SUPT3H: variants seen among roughly 807,000 people sequenced by gnomAD.
SUPT3H encodes the protein transcription initiation protein SPT3 homolog.
In SUPT3H, 44 loss-of-function variants were observed where a neutral mutation model predicts 44.3. The observed-to-expected ratio is 0.99, with a 90% CI of 0.78 to 1.28. The LOEUF (loss-of-function observed/expected upper bound fraction) is 1.28. Ranked by LOEUF, SUPT3H falls within the 50% of genes most tolerant of loss-of-function variation. SUPT3H has a pLI of 0.00. For synonymous variants in SUPT3H, 124 were observed against 125.6 expected, an observed-to-expected ratio of 0.99 and a Z score of 0.09; for missense variants, 380 against 387.1, an observed-to-expected ratio of 0.98 and a Z score of 0.15.
At chr6:45,312,864 G>A (rs192329489) in intron 2 of SUPT3H, among the ~76,000 whole-genome samples, 163 of 152,098 alleles carry the variant, frequency 1.1e-3, no homozygotes, top group Non-Finnish European at 1.8e-3. Flanking sequence ...AGGAACTTTC[G>A]CCAAGATAGA....
At position 45,109,349 on chromosome 6, in the gene SUPT3H, T is replaced by TA. The variant is rs367614320; in HGVS notation, c.102-3344dup. ...TCTAAGTTACTTCGAATGTCACTGT[T>TA]AAAAAAAAAGTGCAAAGTTATCAAC... On this transcript the variant is annotated intron_variant, in intron 2 of 10. Coordinates refer to ENST00000371459, the MANE Select transcript of SUPT3H (RefSeq NM_003599.4). 2.3e-3 allele frequency among the ~76,000 whole-genome samples: 346 copies of TA among 151,260 alleles called. 1 individual carries two copies. The highest frequency in any genetic ancestry group is 7.6e-3 in the African/African-American group (315 of 41,278).
intron 2 of SUPT3H, among the ~76,000 whole-genome samples, chr6:45,125,762 C>T (rs1366785524): frequency 1.3e-5 from 2 of 150,538 alleles, no homozygotes; most frequent in African/African-American, 4.9e-5. Flanking sequence ...GGTAACTGAA[C>T]ACAATAGTAT....
At chr6:45,216,716 C>T (rs10807318) in intron 2 of SUPT3H, among the ~76,000 whole-genome samples, 87,947 of 151,970 alleles carry the variant, frequency 0.58, 26,246 homozygotes, top group African/African-American at 0.73. Context: ...AAGGTCATTA[C>T]GTAATGATAA....
chr6:44,906,463 C>T lies in SUPT3H; in HGVS notation c.912+26190G>A, dbSNP rs188442630. On this transcript the variant is annotated intron_variant, in intron 10 of 10. Coordinates refer to ENST00000371459, the MANE Select transcript of SUPT3H (RefSeq NM_003599.4). Reference sequence around the variant, plus strand: ...TTCATGTAATATCTCAGTTTTCTTACCTATAAAACAAAAGCAGTGGCTGGG... The same window carrying T: ...TTCATGTAATATCTCAGTTTTCTTATCTATAAAACAAAAGCAGTGGCTGGG... 6.2e-3 allele frequency among the ~76,000 whole-genome samples: 948 copies of T among 152,180 alleles called. 18 individuals carry two copies. Among genetic ancestry groups the T allele is most frequent in the African/African-American group, 0.022 (897 of 41,512 alleles).
At chr6:44,967,958 T>C (rs1777002826) in intron 6 of SUPT3H, among the ~76,000 whole-genome samples, 1 of 151,988 alleles carries the variant, frequency 6.6e-6, no homozygotes, top group Admixed American at 6.6e-5. Context: ...CCTGGCAAAT[T>C]GTTTTCTTAT....
At chr6:44,852,389 A>T (rs1773035897) in intron 10 of SUPT3H, among the ~76,000 whole-genome samples, 1 of 152,142 alleles carries the variant, frequency 6.6e-6, no homozygotes, top group Non-Finnish European at 1.5e-5. Flanking sequence ...TGAACATATA[A>T]TATGGCACCT....
chr6:44,953,685 A>G (rs1285633424), intron 8 of SUPT3H, among the ~76,000 whole-genome samples: 2 of 152,070 alleles, frequency 1.3e-5, no homozygotes, highest in Admixed American at 6.5e-5. Context: ...ATTCTAATTC[A>G]GTAGGTCTGT....
intron 2 of SUPT3H, among the ~76,000 whole-genome samples, chr6:45,134,847 C>CAGTG: frequency 6.6e-6 from 1 of 152,192 alleles, no homozygotes; most frequent in Non-Finnish European, 1.5e-5. Flanking sequence ...GGACTATCAT[C>CAGTG]AGTGGCCTTG....
intron 10 of SUPT3H, among the ~76,000 whole-genome samples, chr6:44,905,028 A>G (rs548219945): frequency 6.6e-6 from 1 of 152,306 alleles, no homozygotes; most frequent in Non-Finnish European, 1.5e-5. Flanking sequence ...TTCAAGATGG[A>G]TTAAAGACTT....
chr6:44,853,044 C>T (rs559315481), intron 10 of SUPT3H, among the ~76,000 whole-genome samples: 3 of 152,204 alleles, frequency 2.0e-5, no homozygotes, highest in Admixed American at 6.5e-5. Context: ...CTGCCTTGCT[C>T]TCTAGAGATT....
chr6:44,960,624 C>A (rs1775895713), intron 7 of SUPT3H, among the ~76,000 whole-genome samples: 1 of 151,994 alleles, frequency 6.6e-6, no homozygotes, highest in African/African-American at 2.4e-5. Flanking sequence ...TTCAATTGCA[C>A]TAAATGTTAC....
At chr6:45,079,462 G>C (rs1474474243) in intron 3 of SUPT3H, among the ~76,000 whole-genome samples, 1 of 149,176 alleles carries the variant, frequency 6.7e-6, no homozygotes, top group East Asian at 1.9e-4. Context: ...AGAGGAGGAA[G>C]AAGAAGGGGA....
intron 10 of SUPT3H, among the ~76,000 whole-genome samples, chr6:44,834,549 T>G (rs1769460326): frequency 6.6e-6 from 1 of 152,192 alleles, no homozygotes; most frequent in Non-Finnish European, 1.5e-5. Context: ...AACCCTTTAC[T>G]AACATCTAGA....
intron 2 of SUPT3H, among the ~76,000 whole-genome samples, chr6:45,285,977 C>G (rs7760008): frequency 0.8 from 102,605 of 128,266 alleles, 41,488 homozygotes; most frequent in African/African-American, 0.84. Context: ...ACAAACGTGA[C>G]AAAAACAAGA....
intron 3 of SUPT3H, chr6:45,098,370 A>G (rs1224037021): frequency 1.9e-5 from 3 of 156,264 alleles, no homozygotes; most frequent in Non-Finnish European, 2.8e-5. Flanking sequence ...AGAGTACTGC[A>G]TGTAGAATAT....
In SUPT3H at chr6:45,092,750, CAAAAAAA is replaced by C. The variant is rs71674371; in HGVS notation, c.186+13165_186+13171del. On this transcript the variant is annotated intron_variant, in intron 3 of 10. Transcript: ENST00000371459. The stretch of plus-strand genomic sequence containing the variant: ...GGGGAACAACGGTGAGACTTCGTCT[CAAAAAAA>C]AAAAAAAAAAAAAATTAAGTCAATT... Among the ~76,000 whole-genome samples the C allele has an allele frequency of 2.3e-3, 299 of 127,794 alleles. 1 individual carries two copies. Among genetic ancestry groups the C allele is most frequent in the African/African-American group, 7.1e-3 (224 of 31,468 alleles). 83.8% of individuals were successfully genotyped at this position (127,794 alleles called of 152,430 possible). A position where few individuals can be genotyped will look rare whatever the true frequency, so the allele number is the denominator to read the frequency against.
chr6:45,322,841 C>A, intron 2 of SUPT3H: 1 of 1,521,128 alleles, frequency 6.6e-7, no homozygotes, highest in South Asian at 1.1e-5. Context: ...CAGTTAGATT[C>A]ATCCAAAAGC....
intron 10 of SUPT3H, among the ~76,000 whole-genome samples, chr6:44,843,904 A>AACAC (rs58737760): frequency 1.7e-5 from 2 of 118,548 alleles, no homozygotes; most frequent in Admixed American, 1.0e-4. Flanking sequence ...TGAACAGCCA[A>AACAC]ACACACACAC....
chr6:45,346,563 A>ATTT (rs1554355142), intron 2 of SUPT3H, among the ~76,000 whole-genome samples: 1 of 112,546 alleles, frequency 8.9e-6, no homozygotes, highest in Non-Finnish European at 1.8e-5. Flanking sequence ...TTCAATAAAC[A>ATTT]TTTCTTTTTT....
Sources: gnomAD v4.1 joint callset for allele counts (sites outside exome capture counted in the v4.1 genomes callset) on GRCh38, gnomAD v4.1.1 for gene constraint, MANE v1.5 for transcripts, NCBI Gene and HGNC (gene_info 2026-07-23, HGNC 2026-07-21) for gene names.